The following COL4A2 variants were observed in gnomAD, a reference collection of about 807,000 sequenced individuals.
The protein encoded by COL4A2 is collagen type IV alpha 2 chain, also known as collagen alpha-2(IV) chain.
In COL4A2, 99 loss-of-function variants were observed where a neutral mutation model predicts 200.2. The observed-to-expected ratio is 0.49, with a 90% CI of 0.42 to 0.58. The LOEUF (loss-of-function observed/expected upper bound fraction) is 0.58. Among genes scored for constraint, COL4A2 ranks in the 20% least tolerant of loss-of-function variants. The probability of loss-of-function intolerance (pLI) is 0.00; values close to 1 mark genes in which losing one functional copy is unlikely to be tolerated. For synonymous variants in COL4A2, 897 were observed against 900.6 expected (o/e 1.00, Z 0.07); for missense variants, 1,950 against 2,314.1 (o/e 0.84, Z 3.23).
At chr13:110,333,609 C>T (rs140262378) in intron 3 of COL4A2, among the ~76,000 whole-genome samples, 11 of 152,202 alleles carry the variant, frequency 7.2e-5, no homozygotes, top group African/African-American at 2.4e-4. Flanking sequence ...CCCCTGGCTA[C>T]GACCTACTGC....
intron 4 of COL4A2, among the ~76,000 whole-genome samples, chr13:110,420,852 G>A (rs1472772659): frequency 6.6e-6 from 1 of 152,192 alleles, no homozygotes; most frequent in Non-Finnish European, 1.5e-5. Flanking sequence ...TGCTGTAAAT[G>A]TCCATTTAAT....
chr13:110,374,365 G>A (rs1200646289), intron 4 of COL4A2, among the ~76,000 whole-genome samples: 5 of 152,138 alleles, frequency 3.3e-5, no homozygotes, highest in Admixed American at 2.0e-4. Context: ...TCCCTGAGGG[G>A]CATCCTTTAA....
At chr13:110,389,194 T>C (rs1878889657) in intron 4 of COL4A2, among the ~76,000 whole-genome samples, 1 of 152,216 alleles carries the variant, frequency 6.6e-6, no homozygotes, top group Admixed American at 6.5e-5. Flanking sequence ...GCTGGCAGCA[T>C]GAGAACAGGA....
chr13:110,340,407 T>A (rs1222524501), intron 3 of COL4A2, among the ~76,000 whole-genome samples: 1 of 152,118 alleles, frequency 6.6e-6, no homozygotes, highest in Non-Finnish European at 1.5e-5. Flanking sequence ...ATGGCCATGG[T>A]CCTCATGTAA....
intron 40 of COL4A2, among the ~76,000 whole-genome samples, chr13:110,498,531 G>A (rs1037901917): frequency 6.6e-6 from 1 of 152,142 alleles, no homozygotes; most frequent in African/African-American, 2.4e-5. Flanking sequence ...CATTGTTAAC[G>A]TTTGATTCAC....
intron 3 of COL4A2, among the ~76,000 whole-genome samples, chr13:110,330,561 C>T (rs2139360979): frequency 6.6e-6 from 1 of 152,282 alleles, no homozygotes; most frequent in African/African-American, 2.4e-5. Flanking sequence ...GCCAGTATTT[C>T]TGGGATTCTG....
At position 110,446,878 on chromosome 13, in the gene COL4A2, T is replaced by G; in HGVS notation, c.1078+14T>G. On this transcript the variant is annotated intron_variant, in intron 18 of 47. Transcript: ENST00000360467. ...CCCTAGCAAAAGGTGTGTGAACAAT[T>G]TCACCTGCATAGTTCAGCATCGCAT... 6.2e-7 allele frequency: 1 copy of G among 1,608,126 alleles called. No homozygotes were observed. The highest frequency in any genetic ancestry group is 8.5e-7 in the Non-Finnish European group (1 of 1,174,964).
rs1031868570 is a variant in COL4A2 at position 110,340,904 on chromosome 13, G to A, written c.100-16568G>A. 8 of 152,182 alleles carry A rather than the reference G, an allele frequency of 5.3e-5. No individual in the cohort carries two copies. In the East Asian group the frequency reaches 7.7e-4, roughly 15 times the overall value. The allele number at this position is 152,182 out of a possible 1,614,324, so 9.4% of individuals were successfully genotyped here. A position where few individuals can be genotyped will look rare whatever the true frequency, so the allele number is the denominator to read the frequency against. On this transcript the variant is annotated intron_variant, in intron 3 of 47. Transcript: ENST00000360467. ...TCTGTTCCTTTCTGACTCGTGTTCC[G>A]GCGTCTGTGGATTGCTCCCAACAGG...
intron 21 of COL4A2, among the ~76,000 whole-genome samples, chr13:110,457,936 G>A (rs568874736): frequency 6.6e-6 from 1 of 152,116 alleles, no homozygotes; most frequent in African/African-American, 2.4e-5. Context: ...TGGAACAGGT[G>A]GTCTTTGCAC....
In COL4A2 at chr13:110,406,541, A is replaced by C. The variant is rs139304648; in HGVS notation, c.181-18193A>C. ...TCAGGTCCATCCTAGAGCACATCCC[A>C]GGAGAAGTTTCTCTATGGGGGATGA... is the stretch of plus-strand genomic sequence containing the variant. On this transcript the variant is annotated intron_variant, in intron 4 of 47. Transcript: ENST00000360467. Among the ~76,000 whole-genome samples the C allele has an allele frequency of 5.7e-3, 872 of 152,328 alleles. 11 individuals are homozygous for C. Among genetic ancestry groups the C allele is most frequent in the African/African-American group, 0.02 (837 of 41,584 alleles).
At chr13:110,414,024 A>T (rs1227891126) in intron 4 of COL4A2, among the ~76,000 whole-genome samples, 1 of 151,452 alleles carries the variant, frequency 6.6e-6, no homozygotes, top group Non-Finnish European at 1.5e-5. Flanking sequence ...GAAAACATCA[A>T]CTCCTGACTG....
At chr13:110,381,701 T>A (rs1878499371) in intron 4 of COL4A2, among the ~76,000 whole-genome samples, 1 of 152,242 alleles carries the variant, frequency 6.6e-6, no homozygotes, top group Non-Finnish European at 1.5e-5. Flanking sequence ...AGGTTGACCC[T>A]GGACGCAGTC....
At chr13:110,387,584 C>A (rs1194992489) in intron 4 of COL4A2, among the ~76,000 whole-genome samples, 1 of 152,260 alleles carries the variant, frequency 6.6e-6, no homozygotes, top group Non-Finnish European at 1.5e-5. Context: ...GGGCCCCGAG[C>A]TGGGGAGGAA....
intron 20 of COL4A2, among the ~76,000 whole-genome samples, chr13:110,453,798 C>T: frequency 6.6e-6 from 1 of 152,112 alleles, no homozygotes; most frequent in Admixed American, 6.5e-5. Context: ...TATATATTAC[C>T]CCTGTGAGAC....
chr13:110,489,587 C>T, intron 35 of COL4A2, 79 bp downstream of exon 35: 1 of 1,585,180 alleles, frequency 6.3e-7, no homozygotes, highest in Non-Finnish European at 8.7e-7. Flanking sequence ...TTCAGACCTG[C>T]AAGTGCTGTT....
intron 4 of COL4A2, among the ~76,000 whole-genome samples, chr13:110,397,175 C>G (rs1879208958): frequency 6.6e-6 from 1 of 152,202 alleles, no homozygotes. Flanking sequence ...TTATCCGCCC[C>G]CATTGATATT....
At position 110,504,234 on chromosome 13, in the gene COL4A2, A is replaced by G; in HGVS notation, c.4372A>G (p.Ile1458Val). The change falls in exon 45 of 48, where the codon ATA becomes GTA. Residue 1458 changes from isoleucine (I) to valine (V), a missense_variant. Ile to Val is a conservative substitution (Grantham distance 29). Around this residue, in one of 2 missense-constraint regions of COL4A2, gnomAD observed 1,385 missense variants for 1,720.5 expected, o/e 0.80. Coordinates refer to ENST00000360467, the MANE Select transcript of COL4A2 (RefSeq NM_001846.4). The part of the protein sequence containing the change: ...VPGFRGDEGP[I>V]GHQGPIGQEG... ...CGGCTTCCGGGGAGATGAAGGACCC[A>G]TAGGCCACCAGGGGCCGATTGGCCA... 2 of 1,614,072 alleles carry G rather than the reference A, an allele frequency of 1.2e-6. No homozygotes were observed. The highest frequency in any genetic ancestry group is 2.7e-5 in the African/African-American group (2 of 75,066).
At chr13:110,504,994 T>C (rs970477097) in intron 45 of COL4A2, among the ~76,000 whole-genome samples, 1 of 151,666 alleles carries the variant, frequency 6.6e-6, no homozygotes, top group Non-Finnish European at 1.5e-5. Flanking sequence ...AACCTCAAAA[T>C]TTGTCTTAAT....
intron 3 of COL4A2, among the ~76,000 whole-genome samples, chr13:110,312,023 C>T (rs574740054): frequency 3.7e-4 from 56 of 152,322 alleles, no homozygotes; most frequent in South Asian, 6.2e-4. Flanking sequence ...GTGTTCATGC[C>T]GCACGAGGCC....
Sources: gnomAD v4.1 joint callset for allele counts (sites outside exome capture counted in the v4.1 genomes callset) on GRCh38, gnomAD v4.1.1 for gene constraint, gnomAD v4.1.1 regional missense constraint, MANE v1.5 for transcripts, NCBI Gene and HGNC (gene_info 2026-07-23, HGNC 2026-07-21) for gene names.